SELE: variants seen among roughly 807,000 people sequenced by gnomAD.
The protein encoded by SELE is selectin E.
Under a neutral mutation model 75.8 loss-of-function variants are expected in SELE, and 52 were observed. That is an observed-to-expected ratio of 0.69 (90% CI 0.55 to 0.86). SELE has a LOEUF of 0.86. Ranked by LOEUF, SELE falls within the 40% of genes least tolerant of loss-of-function variation. The pLI, the probability that SELE is intolerant of heterozygous loss-of-function variation, is 0.00. For missense variants in SELE, 754 were observed against 732.7 expected, an observed-to-expected ratio of 1.03 and a Z score of -0.34; for synonymous variants, 285 against 258.7, an observed-to-expected ratio of 1.10 and a Z score of -0.98.
intron 4 of SELE, 79 bp from the exon 5 acceptor site, chr1:169,730,696 TGG>T: frequency 1.2e-6 from 1 of 837,790 alleles, no homozygotes; most frequent in African/African-American, 1.8e-5. Context: ...AACTACAGTT[TGG>T]TTTTTTTTTT....
At chr1:169,730,340 C>A in intron 5 of SELE, 92 bp downstream of exon 5, 1 of 1,204,890 alleles carries the variant, frequency 8.3e-7, no homozygotes, top group Non-Finnish European at 1.1e-6. Flanking sequence ...AAAAAACTTT[C>A]CCTGAAGTTT....
intron 7 of SELE, among the ~76,000 whole-genome samples, chr1:169,728,861 T>C (rs3917423): frequency 0.22 from 34,204 of 152,082 alleles, 4,589 homozygotes; most frequent in East Asian, 0.48. Flanking sequence ...GAGTTTTACA[T>C]TCAAATCATG....
rs148034424 is a variant in SELE, at chr1:169,727,763, T to G, written c.1444A>C (p.Thr482Pro). The change falls in exon 9 of 14, where the codon ACA becomes CCA. Residue 482 changes from threonine to proline, a missense_variant. Thr to Pro is a conservative substitution (Grantham distance 38). Transcript: ENST00000333360. ...CCTTGGCAGGAAGGAACCTCTTCTGTCCATTGTCCCTGAGATGTGCACTCA... is the reference window on the plus strand; with the variant it reads ...CCTTGGCAGGAAGGAACCTCTTCTGGCCATTGTCCCTGAGATGTGCACTCA... Reference protein sequence around the residue: ...QLECTSQGQWTEEVPSCQVVK... With the variant: ...QLECTSQGQWPEEVPSCQVVK... The G allele has an allele frequency of 6.8e-6, 11 of 1,614,032 alleles. No homozygotes were observed. The highest frequency in any genetic ancestry group is 9.3e-6 in the Non-Finnish European group (11 of 1,180,000).
At chr1:169,726,638 T>A (rs1648780745) in intron 11 of SELE, 61 bp downstream of exon 11, 3 of 1,128,466 alleles carry the variant, frequency 2.7e-6, no homozygotes, top group Non-Finnish European at 4.0e-6. Flanking sequence ...CCATGACTTA[T>A]CAATGAGAAA....
chr1:169,729,127 TCCAAG>T, intron 7 of SELE, 54 bp downstream of exon 7: 1 of 1,477,720 alleles, frequency 6.8e-7, no homozygotes, highest in Non-Finnish European at 9.1e-7. Flanking sequence ...TTTTTCACTG[TCCAAG>T]TTTGAAGATG....
At position 169,726,732 on chromosome 1, in the gene SELE, A is replaced by G; in HGVS notation, c.1720T>C (p.Phe574Leu). The change falls in exon 11 of 14, where the codon TTT (phenylalanine) becomes CTT (leucine). Residue 574 changes from phenylalanine to leucine, a missense_variant. By Grantham distance (22) the Phe-to-Leu change is conservative. Coordinates refer to ENST00000333360, the MANE Select transcript of SELE (RefSeq NM_000450.2). The stretch of plus-strand genomic sequence containing the variant: ...AAGCATTTCCGAAGCCAGAGGAGAA[A>G]TGGTGCTAATGTCAGGAGGGAGAGT... ...AGLSLLTLAP[F>L]LLWLRKCLRK... 1.2e-6 allele frequency: 2 copies of G among 1,613,846 alleles called. No homozygotes were observed. The highest frequency in any genetic ancestry group is 1.7e-6 in the Non-Finnish European group (2 of 1,179,846).
chr1:169,726,835 A>C, intron 10 of SELE, 29 bp from the exon 11 acceptor site: 80 of 1,497,290 alleles, frequency 5.3e-5, no homozygotes, highest in Non-Finnish European at 6.7e-5. Context: ...AAGAAAGGTC[A>C]TGAGGAAGAA....
chr1:169,732,131 A>T (rs1013394563), intron 3 of SELE, among the ~76,000 whole-genome samples, 189 bp from the exon 4 acceptor site: 3 of 152,096 alleles, frequency 2.0e-5, no homozygotes, highest in Non-Finnish European at 4.4e-5. Flanking sequence ...CTTGATGCTA[A>T]TGTATAGCTG....
At chr1:169,726,573 T>C (rs1648779140) in intron 11 of SELE, 126 bp downstream of exon 11, 2 of 728,382 alleles carry the variant, frequency 2.7e-6, no homozygotes, top group Admixed American at 2.4e-5. Context: ...TACTTCTGCT[T>C]AATTATACTG....
At chr1:169,730,675 C>T in intron 4 of SELE, 58 bp from the exon 5 acceptor site, 1 of 1,055,518 alleles carries the variant, frequency 9.5e-7, no homozygotes, top group Non-Finnish European at 1.3e-6. Context: ...GATAAGAACA[C>T]TGGAAACTAG....
At chr1:169,729,434 T>A in intron 6 of SELE, 54 bp downstream of exon 6, 1 of 1,608,344 alleles carries the variant, frequency 6.2e-7, no homozygotes. Context: ...CCATTTCCAG[T>A]ATGGGTTGAG....
chr1:169,725,707 A>G (rs763374318), intron 13 of SELE, 22 bp downstream of exon 13: 4 of 1,594,912 alleles, frequency 2.5e-6, no homozygotes, highest in South Asian at 2.2e-5. Context: ...TCTCATAACC[A>G]TTTGTGATTT....
chr1:169,724,099 T>C lies in SELE; in HGVS notation c.*426A>G, dbSNP rs991488385. 1 of 152,218 alleles carries C rather than the reference T, an allele frequency of 6.6e-6. No individual in the cohort carries two copies. The allele number at this position is 152,218 out of a possible 1,614,324, so 9.4% of individuals were successfully genotyped here. On this transcript the variant is annotated 3_prime_UTR_variant, in exon 14 of 14. Transcript: ENST00000333360. ...TCTGGATAATTATTATTCATTCTTA[T>C]GACAGCAACTGTGTAATCAGCTGTC...
chr1:169,732,856 G>A lies in SELE; in HGVS notation c.180C>T (p.Asn60=), dbSNP rs775689108. ...IQNKEEIEYL[N]SILSYSPSYY... is the part of the protein sequence containing the mutation. Reference sequence around the variant, plus strand: ...AACTTGGTGAATAGCTCAATATGGAGTTTAGGTACTCAATCTCTTCTTTGT... The same window carrying A: ...AACTTGGTGAATAGCTCAATATGGAATTTAGGTACTCAATCTCTTCTTTGT... Residue 60 remains asparagine (N), a synonymous_variant, in exon 3 of 14, where the codon AAC becomes AAT. Coordinates refer to ENST00000333360, the MANE Select transcript of SELE (RefSeq NM_000450.2). 5.6e-6 allele frequency: 9 copies of A among 1,614,062 alleles called. No individual in the cohort carries two copies. The highest frequency in any genetic ancestry group is 2.7e-5 in the African/African-American group (2 of 74,924).
At chr1:169,728,290 A>G in intron 7 of SELE, 44 bp from the exon 8 acceptor site, 2 of 1,592,644 alleles carry the variant, frequency 1.3e-6, no homozygotes, top group Non-Finnish European at 8.6e-7. Flanking sequence ...CAGTGGAACT[A>G]GAGAGTACTT....
intron 9 of SELE, 56 bp from the exon 10 acceptor site, chr1:169,727,581 A>G (rs2101990914): frequency 6.3e-7 from 1 of 1,577,020 alleles, no homozygotes; most frequent in South Asian, 1.2e-5. Context: ...GAAAACTTCC[A>G]AAACTTGCTT....
At position 169,732,829 on chromosome 1, in the gene SELE, A is replaced by G; in HGVS notation, c.207T>C (p.Tyr69=). The change falls in exon 3 of 14, where the codon TAT becomes TAC. Residue 69 remains tyrosine, a synonymous_variant. Coordinates refer to ENST00000333360, the MANE Select transcript of SELE (RefSeq NM_000450.2). ...TGACTTTTCTGATTCCAATCCAGTA[A>G]TAACTTGGTGAATAGCTCAATATGG... ...LNSILSYSPS[Y]YWIGIRKVNN... is the part of the protein sequence containing the mutation. The G allele has an allele frequency of 6.2e-7, 1 of 1,614,124 alleles. No individual in the cohort carries two copies. Among genetic ancestry groups the G allele is most frequent in the Non-Finnish European group, 8.5e-7 (1 of 1,179,994 alleles).
intron 1 of SELE, 53 bp downstream of exon 1, chr1:169,733,918 C>T (rs1648978836): frequency 5.0e-6 from 2 of 403,800 alleles, no homozygotes; most frequent in Non-Finnish European, 9.0e-6. Flanking sequence ...AGGCCTTTTG[C>T]ATATCTGTGT....
Position 169,733,647 on chromosome 1 carries a change from C to T in SELE, c.-35G>A. 1.2e-6 allele frequency: 2 copies of T among 1,602,150 alleles called. No homozygotes were observed. The highest frequency in any genetic ancestry group is 1.7e-6 in the Non-Finnish European group (2 of 1,169,106). On this transcript the variant is annotated 5_prime_UTR_variant, in exon 2 of 14. Coordinates refer to ENST00000333360, the MANE Select transcript of SELE (RefSeq NM_000450.2). Reference sequence around the variant, plus strand: ...AGTTCTTTTCACCCAAAGGTTTAGGCTTGAAATACTTTCCTGGGGAGATAA... The same window carrying T: ...AGTTCTTTTCACCCAAAGGTTTAGGTTTGAAATACTTTCCTGGGGAGATAA...
Sources: allele counts gnomAD v4.1 joint callset (sites outside exome capture counted in the v4.1 genomes callset), GRCh38; gene constraint gnomAD v4.1.1; transcripts MANE v1.5; gene names NCBI Gene and HGNC (gene_info 2026-07-23, HGNC 2026-07-21).